Variants in FAM78B observed in about 807,000 individuals in gnomAD.
FAM78B encodes the protein family with sequence similarity 78 member B.
Under a neutral mutation model 20.0 loss-of-function variants are expected in FAM78B, and 10 were observed. The observed-to-expected ratio is 0.50, with a 90% CI of 0.31 to 0.85. The LOEUF (loss-of-function observed/expected upper bound fraction) is 0.85, where lower values mean the gene tolerates loss of function less well. Among genes scored for constraint, FAM78B ranks in the 40% least tolerant of loss-of-function variants. The pLI is 0.05. For synonymous variants in FAM78B, 135 were observed against 132.8 expected (o/e 1.02, Z -0.12); for missense variants, 283 against 345.0 (o/e 0.82, Z 1.42).
chr1:166,119,740 G>A (rs1654396702), intron 1 of FAM78B, among the ~76,000 whole-genome samples: 1 of 152,222 alleles, frequency 6.6e-6, no homozygotes, highest in Non-Finnish European at 1.5e-5. Context: ...CGCATCAGCA[G>A]TTCTAACATA....
At chr1:166,158,856 T>C (rs373219378) in intron 1 of FAM78B, among the ~76,000 whole-genome samples, 1 of 152,368 alleles carries the variant, frequency 6.6e-6, no homozygotes, top group South Asian at 2.1e-4. Context: ...TCTGCTTCTT[T>C]GTAAGTATTC....
At chr1:166,143,698 G>C (rs545524754) in intron 1 of FAM78B, among the ~76,000 whole-genome samples, 2 of 152,126 alleles carry the variant, frequency 1.3e-5, no homozygotes, top group African/African-American at 4.8e-5. Context: ...GAAGGTGAGA[G>C]GCAGTGAGGG....
chr1:166,108,542 T>G (rs1653875628), intron 1 of FAM78B, among the ~76,000 whole-genome samples: 1 of 152,188 alleles, frequency 6.6e-6, no homozygotes, highest in South Asian at 2.1e-4. Flanking sequence ...CATCCCACGC[T>G]TATGGATGGG....
chr1:166,060,511 G>A (rs1020434874), exon 3 of FAM78B: 2 of 938,538 alleles, frequency 2.1e-6, no homozygotes, highest in Non-Finnish European at 3.0e-6. Context: ...ACGGGAGGAA[G>A]GCGAGGAGGT....
chr1:166,121,488 G>A (rs1461021720), intron 1 of FAM78B, among the ~76,000 whole-genome samples: 1 of 152,192 alleles, frequency 6.6e-6, no homozygotes, highest in Non-Finnish European at 1.5e-5. Flanking sequence ...CTAGAAGGAA[G>A]GGTATGGGTC....
At chr1:166,080,752 A>G (rs1652534999) in intron 1 of FAM78B, among the ~76,000 whole-genome samples, 2 of 152,218 alleles carry the variant, frequency 1.3e-5, no homozygotes, top group African/African-American at 2.4e-5. Flanking sequence ...CGTGAGTCTC[A>G]TGTTCCGTGT....
chr1:166,160,837 TAAGTA>T (rs1334877865), intron 1 of FAM78B, among the ~76,000 whole-genome samples: 88 of 152,376 alleles, frequency 5.8e-4, no homozygotes, highest in East Asian at 1.3e-3. Context: ...AGTCAGAAAT[TAAGTA>T]AACAATTATA....
At chr1:166,157,929 T>C (rs549860088) in intron 1 of FAM78B, among the ~76,000 whole-genome samples, 1 of 152,332 alleles carries the variant, frequency 6.6e-6, no homozygotes, top group East Asian at 1.9e-4. Context: ...TATTCCCTGC[T>C]GTCTTTACTC....
At chr1:166,154,769 G>A (rs1438535041) in intron 1 of FAM78B, 1 of 506,910 alleles carries the variant, frequency 2.0e-6, no homozygotes, top group Admixed American at 2.1e-5. Flanking sequence ...ATGGACCTGA[G>A]TCTGAATCCT....
chr1:166,121,835 G>A (rs994303301), intron 1 of FAM78B, among the ~76,000 whole-genome samples: 1 of 152,166 alleles, frequency 6.6e-6, no homozygotes, highest in Non-Finnish European at 1.5e-5. Context: ...TCATCTGGCT[G>A]CAGGTCCTCA....
chr1:166,082,220 C>T (rs1364043657), intron 1 of FAM78B, among the ~76,000 whole-genome samples: 1 of 152,192 alleles, frequency 6.6e-6, no homozygotes, highest in Non-Finnish European at 1.5e-5. Context: ...ATCCTCACCC[C>T]CTCCCTTCTG....
intron 1 of FAM78B, among the ~76,000 whole-genome samples, chr1:166,093,389 C>T (rs2101739706): frequency 6.6e-6 from 1 of 152,256 alleles, no homozygotes; most frequent in East Asian, 1.9e-4. Context: ...CCTGCCCTTC[C>T]CATTGCTCCC....
intron 1 of FAM78B, among the ~76,000 whole-genome samples, chr1:166,153,877 G>A (rs79681427): frequency 6.6e-6 from 1 of 152,090 alleles, no homozygotes; most frequent in African/African-American, 2.4e-5. Flanking sequence ...AAGCAAAATG[G>A]GGTGTTGCCT....
At chr1:166,104,721 A>C (rs1350790410) in intron 1 of FAM78B, among the ~76,000 whole-genome samples, 1 of 152,218 alleles carries the variant, frequency 6.6e-6, no homozygotes, top group African/African-American at 2.4e-5. Flanking sequence ...AAACAAATGG[A>C]AGAACATTCC....
intron 1 of FAM78B, among the ~76,000 whole-genome samples, chr1:166,099,438 G>T (rs962476159): frequency 6.6e-6 from 1 of 152,176 alleles, no homozygotes; most frequent in South Asian, 2.1e-4. Context: ...AACATTGAAC[G>T]TAAATGGTCT....
At chr1:166,140,736 C>G (rs1655246679) in intron 1 of FAM78B, among the ~76,000 whole-genome samples, 1 of 152,170 alleles carries the variant, frequency 6.6e-6, no homozygotes, top group Non-Finnish European at 1.5e-5. Context: ...CAAAATACAA[C>G]AAAGAAGCCT....
chr1:166,089,932 C>T (rs554814394), intron 1 of FAM78B, among the ~76,000 whole-genome samples: 27 of 152,264 alleles, frequency 1.8e-4, no homozygotes, highest in East Asian at 1.7e-3. Flanking sequence ...ACAGACTCCT[C>T]GAGACTCAGC....
chr1:166,147,790 C>A (rs1461216792), intron 1 of FAM78B: 1 of 152,104 alleles, frequency 6.6e-6, no homozygotes, highest in East Asian at 1.9e-4. Context: ...CACCACCATA[C>A]CCCAGGCTAA....
chr1:166,071,223 G>C (rs908281416), intron 1 of FAM78B, among the ~76,000 whole-genome samples: 3 of 152,196 alleles, frequency 2.0e-5, no homozygotes, highest in Admixed American at 1.3e-4. Context: ...CAAAGTTAAA[G>C]GTTATATTAA....
Sources: gnomAD v4.1 joint callset for allele counts (sites outside exome capture counted in the v4.1 genomes callset) on GRCh38, gnomAD v4.1.1 for gene constraint, MANE v1.5 for transcripts, NCBI Gene and HGNC (gene_info 2026-07-23, HGNC 2026-07-21) for gene names.